The following IGSF11 variants were observed in gnomAD, a reference collection of about 807,000 sequenced individuals.
The protein encoded by IGSF11 is CXADR like 1.
IGSF11 carries 22 observed loss-of-function variants against 41.0 expected under a neutral mutation model. The ratio of observed to expected loss-of-function variants is 0.54; its 90% CI spans 0.38 to 0.77. The LOEUF (loss-of-function observed/expected upper bound fraction) is 0.77, where lower values mean the gene tolerates loss of function less well. IGSF11 is among the 30% of genes least tolerant of loss of function. The pLI is 0.00. For synonymous variants in IGSF11, 219 were observed against 201.3 expected (o/e 1.09, Z -0.74); for missense variants, 444 against 530.8 (o/e 0.84, Z 1.61).
At chr3:119,085,340 T>C in intron 1 of IGSF11, among the ~76,000 whole-genome samples, 2 of 152,310 alleles carry the variant, frequency 1.3e-5, no homozygotes, top group South Asian at 4.1e-4. Context: ...ACAAAGACCC[T>C]GTACAAAGCT....
intron 1 of IGSF11, among the ~76,000 whole-genome samples, chr3:118,993,027 A>G (rs1394384344): frequency 6.6e-6 from 1 of 152,194 alleles, no homozygotes; most frequent in South Asian, 2.1e-4. Context: ...AGAGTTCAAG[A>G]CCAGCCTAGG....
At chr3:118,991,482 T>C (rs1935788947) in intron 1 of IGSF11, among the ~76,000 whole-genome samples, 1 of 152,248 alleles carries the variant, frequency 6.6e-6, no homozygotes, top group Admixed American at 6.5e-5. Flanking sequence ...CACAGCTGCA[T>C]CTATTCAAGT....
intron 1 of IGSF11, among the ~76,000 whole-genome samples, chr3:118,975,755 A>G (rs1934024740): frequency 6.6e-6 from 1 of 152,238 alleles, no homozygotes; most frequent in Non-Finnish European, 1.5e-5. Flanking sequence ...TCCTAAGTGA[A>G]TTAATGCAAG....
chr3:118,911,753 G>C (rs1233673260), intron 4 of IGSF11, among the ~76,000 whole-genome samples: 1 of 151,908 alleles, frequency 6.6e-6, no homozygotes, highest in African/African-American at 2.4e-5. Context: ...GAGAGAGAGA[G>C]AATATCAAGA....
At chr3:119,080,067 G>A (rs2076563999) in intron 1 of IGSF11, among the ~76,000 whole-genome samples, 1 of 152,116 alleles carries the variant, frequency 6.6e-6, no homozygotes, top group Admixed American at 6.5e-5. Flanking sequence ...AAAAGGGTTA[G>A]GTTAAATTGC....
intron 1 of IGSF11, among the ~76,000 whole-genome samples, chr3:119,060,896 T>G (rs1431965610): frequency 6.6e-6 from 1 of 152,192 alleles, no homozygotes; most frequent in African/African-American, 2.4e-5. Context: ...CATATAAAAT[T>G]AAATAGATAA....
intron 1 of IGSF11, among the ~76,000 whole-genome samples, chr3:118,973,144 G>A (rs868793267): frequency 7.6e-4 from 115 of 152,252 alleles, no homozygotes; most frequent in African/African-American, 2.5e-3. Flanking sequence ...GATATGCCCC[G>A]CCCAGCAGGG....
chr3:119,083,930 C>A (rs896390505), intron 1 of IGSF11, among the ~76,000 whole-genome samples: 4 of 152,014 alleles, frequency 2.6e-5, no homozygotes, highest in Non-Finnish European at 5.9e-5. Flanking sequence ...TGGAAGAAGG[C>A]ATTGTTATCA....
At chr3:119,087,393 C>CACACACAT (rs2076693495) in intron 1 of IGSF11, among the ~76,000 whole-genome samples, 1 of 150,136 alleles carries the variant, frequency 6.7e-6, no homozygotes, top group Non-Finnish European at 1.5e-5. Flanking sequence ...CACACACACA[C>CACACACAT]ACACACACAT....
Position 119,034,821 on chromosome 3 carries a change from G to C in IGSF11, c.-239C>G, listed in dbSNP as rs528679021. 2 of 1,256,040 alleles carry C rather than the reference G, an allele frequency of 1.6e-6. No individual in the cohort carries two copies. Among genetic ancestry groups the C allele is most frequent in the East Asian group, 6.4e-5 (2 of 31,398 alleles). The allele number at this position is 1,256,040 out of a possible 1,614,324, so 77.8% of individuals were successfully genotyped here. A position where few individuals can be genotyped will look rare whatever the true frequency, so the allele number is the denominator to read the frequency against. ...CAGAGGCGTTCCGGGCTCGCCAGCC[G>C]TGCCACCCAGCCCTGCCCCAGGACT... On this transcript the variant is annotated 5_prime_UTR_variant, in exon 1 of 7. Coordinates refer to ENST00000393775, the MANE Select transcript of IGSF11 (RefSeq NM_001015887.3).
At chr3:119,127,179 A>G (rs2077415331) in intron 1 of IGSF11, among the ~76,000 whole-genome samples, 1 of 152,152 alleles carries the variant, frequency 6.6e-6, no homozygotes, top group Non-Finnish European at 1.5e-5. Context: ...TTTAGAGAGG[A>G]ACATAAATGA....
At chr3:119,059,611 G>T (rs1941990228) in intron 1 of IGSF11, among the ~76,000 whole-genome samples, 1 of 152,184 alleles carries the variant, frequency 6.6e-6, no homozygotes, top group East Asian at 1.9e-4. Flanking sequence ...AGAAGGGAAA[G>T]GGTATTGGTG....
chr3:119,096,475 T>C (rs537893085), intron 1 of IGSF11, among the ~76,000 whole-genome samples: 5 of 152,090 alleles, frequency 3.3e-5, no homozygotes, highest in Non-Finnish European at 5.9e-5. Context: ...AGTCCAGAAA[T>C]GCCGAGGAAT....
rs184921178 is a variant in IGSF11, at chr3:119,139,924, C to T, written c.-14+5889G>A. On this transcript the variant is annotated intron_variant, in intron 1 of 7. Transcript: ENST00000425327. ...AAGTTTTTGTATAATACTGAAGTTA[C>T]GTTAGTATAAATCCAAACAAGATTA... Among the ~76,000 whole-genome samples the T allele has an allele frequency of 5.8e-4, 88 of 152,126 alleles. No individual in the cohort carries two copies. The East Asian group carries it at 9.1e-3, about 16-fold the overall frequency.
At chr3:119,083,978 A>C (rs568109881) in intron 1 of IGSF11, among the ~76,000 whole-genome samples, 2 of 152,238 alleles carry the variant, frequency 1.3e-5, no homozygotes, top group South Asian at 4.1e-4. Context: ...TTGCCCAAGG[A>C]CCTTCCAGTG....
intron 1 of IGSF11, among the ~76,000 whole-genome samples, chr3:118,956,549 C>G (rs1228290073): frequency 6.6e-6 from 1 of 152,096 alleles, no homozygotes; most frequent in Non-Finnish European, 1.5e-5. Flanking sequence ...ACAGGCAGGA[C>G]AGAGGGGAGA....
chr3:119,118,647 C>A lies in IGSF11; in HGVS notation c.-13-13442G>T, dbSNP rs138413612. 9.6e-3 allele frequency among the ~76,000 whole-genome samples: 1,469 copies of A among 152,352 alleles called. 19 individuals are homozygous for A. The highest frequency in any genetic ancestry group is 0.033 in the African/African-American group (1,372 of 41,576). Reference sequence around the variant, plus strand: ...AGCTCCTCATTACTTATGCAAATTTCTGCAGCCAGCTTGAATTTCTGCTCA... The same window carrying A: ...AGCTCCTCATTACTTATGCAAATTTATGCAGCCAGCTTGAATTTCTGCTCA... On this transcript the variant is annotated intron_variant, in intron 1 of 7. Transcript: ENST00000425327.
Position 119,045,328 on chromosome 3 carries a change from T to C in IGSF11, c.49+59816A>G, listed in dbSNP as rs578019797. 2.8e-4 allele frequency among the ~76,000 whole-genome samples: 42 copies of C among 152,306 alleles called. No individual in the cohort carries two copies. The South Asian group carries it at 7.5e-3, about 27-fold the overall frequency. ...GAAGCAGGGCGAGGCATTGCCTCACTTGGGAAGCGCAAGGGGTCAGGGAGT... is the reference window on the plus strand; with the variant it reads ...GAAGCAGGGCGAGGCATTGCCTCACCTGGGAAGCGCAAGGGGTCAGGGAGT... On this transcript the variant is annotated intron_variant, in intron 1 of 6. Transcript: ENST00000354673.
At chr3:119,111,071 G>T (rs2077148874) in intron 1 of IGSF11, among the ~76,000 whole-genome samples, 1 of 151,896 alleles carries the variant, frequency 6.6e-6, no homozygotes, top group South Asian at 2.1e-4. Flanking sequence ...TATGTGTCTT[G>T]GAGTTGCTCT....
Sources: gnomAD v4.1 joint callset for allele counts (sites outside exome capture counted in the v4.1 genomes callset) on GRCh38, gnomAD v4.1.1 for gene constraint, MANE v1.5 for transcripts, NCBI Gene and HGNC (gene_info 2026-07-23, HGNC 2026-07-21) for gene names.